KIAA2012: variants seen among roughly 807,000 people sequenced by gnomAD.
The protein encoded by KIAA2012 is KIAA2012.
KIAA2012 carries 125 observed loss-of-function variants against 150.6 expected under a neutral mutation model. The ratio of observed to expected loss-of-function variants is 0.83; its 90% CI spans 0.72 to 0.96. The LOEUF (loss-of-function observed/expected upper bound fraction) is 0.96. KIAA2012 is among the 40% of genes least tolerant of loss of function. The pLI is 0.00. For synonymous variants in KIAA2012, 462 were observed against 504.7 expected, an observed-to-expected ratio of 0.92 and a Z score of 1.13; for missense variants, 1,219 against 1,354.9, an observed-to-expected ratio of 0.90 and a Z score of 1.57.
chr2:202,141,991 A>T (rs2105946216), intron 13 of KIAA2012, among the ~76,000 whole-genome samples: 1 of 152,366 alleles, frequency 6.6e-6, no homozygotes, highest in Middle Eastern at 3.4e-3. Flanking sequence ...TATACTCAGT[A>T]AAGATTACCT....
chr2:202,077,587 G>A (rs537603356), intron 2 of KIAA2012, among the ~76,000 whole-genome samples: 3 of 152,268 alleles, frequency 2.0e-5, no homozygotes, highest in Non-Finnish European at 2.9e-5. Flanking sequence ...AAAAGAAAAC[G>A]TATGGAAGAG....
intron 2 of KIAA2012, among the ~76,000 whole-genome samples, chr2:202,083,613 A>G (rs79025587): frequency 6.6e-6 from 1 of 152,336 alleles, no homozygotes; most frequent in East Asian, 1.9e-4. Context: ...GTCAGCAGTA[A>G]AATGCAGACA....
chr2:202,086,126 C>T (rs1298923218), intron 2 of KIAA2012, among the ~76,000 whole-genome samples: 1 of 138,748 alleles, frequency 7.2e-6, no homozygotes, highest in Non-Finnish European at 1.5e-5. Flanking sequence ...CAAGATCACA[C>T]CACTGCACTC....
chr2:202,128,438 GGTT>G (rs1168506219), intron 12 of KIAA2012, among the ~76,000 whole-genome samples: 4 of 106,510 alleles, frequency 3.8e-5, no homozygotes, highest in Non-Finnish European at 5.4e-5. Context: ...TCTTTTTGGG[GGTT>G]TTTTTTTTTT....
At chr2:202,177,562 C>G (rs1692020919) in intron 15 of KIAA2012, among the ~76,000 whole-genome samples, 2 of 152,002 alleles carry the variant, frequency 1.3e-5, no homozygotes, top group Admixed American at 1.3e-4. Flanking sequence ...AGCCCTTTTT[C>G]TTTTTTTAGA....
chr2:202,177,533 G>C (rs1184543022), intron 15 of KIAA2012, among the ~76,000 whole-genome samples: 5 of 152,174 alleles, frequency 3.3e-5, no homozygotes, highest in African/African-American at 1.2e-4. Context: ...AGGCAAAAGA[G>C]AGGGAACTCA....
At chr2:202,141,308 G>A (rs1032102904) in intron 13 of KIAA2012, among the ~76,000 whole-genome samples, 1 of 152,040 alleles carries the variant, frequency 6.6e-6, no homozygotes, top group South Asian at 2.1e-4. Flanking sequence ...CCTAGGCAGC[G>A]AATCCATCAA....
chr2:202,164,725 A>G (rs751838590), intron 14 of KIAA2012, among the ~76,000 whole-genome samples: 1 of 152,146 alleles, frequency 6.6e-6, no homozygotes. Flanking sequence ...CTGTAGTCAC[A>G]CTAGTCCTCC....
chr2:202,193,215 G>T, intron 19 of KIAA2012, 86 bp from the exon 20 acceptor site: 1 of 1,299,654 alleles, frequency 7.7e-7, no homozygotes. Context: ...TCTTTGATTA[G>T]AGACAACACT....
At chr2:202,146,368 C>T (rs1024733552) in intron 13 of KIAA2012, among the ~76,000 whole-genome samples, 1 of 152,060 alleles carries the variant, frequency 6.6e-6, no homozygotes, top group African/African-American at 2.4e-5. Flanking sequence ...TGCAGTGGCT[C>T]ACGCCTGTAA....
chr2:202,089,030 A>T (rs1412794877), intron 2 of KIAA2012, among the ~76,000 whole-genome samples: 1 of 151,504 alleles, frequency 6.6e-6, no homozygotes, highest in Non-Finnish European at 1.5e-5. Flanking sequence ...TCTCCTTCCC[A>T]CTCTTTGGCT....
chr2:202,118,548 G>A (rs1328220850), intron 11 of KIAA2012, among the ~76,000 whole-genome samples: 2 of 152,172 alleles, frequency 1.3e-5, no homozygotes, highest in Non-Finnish European at 2.9e-5. Context: ...CATGATAAGA[G>A]GCAGTTACTG....
At chr2:202,136,016 GA>G in intron 12 of KIAA2012, 1 of 326,558 alleles carries the variant, frequency 3.1e-6, no homozygotes, top group Non-Finnish European at 6.2e-6. Flanking sequence ...AATTTTTTTT[GA>G]AACAGAGTCT....
intron 12 of KIAA2012, chr2:202,136,578 A>T (rs1297190439): frequency 6.6e-6 from 1 of 152,322 alleles, no homozygotes; most frequent in East Asian, 1.9e-4. Flanking sequence ...TAGCCCAGGC[A>T]CTCCGGCAGC....
In KIAA2012 at chr2:202,167,703, G is replaced by C. The variant is rs1045443369; in HGVS notation, c.2119+2347G>C. On this transcript the variant is annotated intron_variant, in intron 15 of 23. Transcript: ENST00000498697. ...TAAAAATTTTTTTTTAATTAGCCAG[G>C]CATGGTAGTGAGGACCTGCAGCCCT... 5.9e-5 allele frequency among the ~76,000 whole-genome samples: 9 copies of C among 151,922 alleles called. No individual in the cohort carries two copies. The East Asian group carries it at 1.5e-3, about 26-fold the overall frequency.
intron 12 of KIAA2012, among the ~76,000 whole-genome samples, chr2:202,128,540 G>C (rs1468755128): frequency 6.6e-6 from 1 of 152,052 alleles, no homozygotes; most frequent in Non-Finnish European, 1.5e-5. Context: ...TCAAAGTGCT[G>C]GGATTACAGG....
At chr2:202,193,600 C>T (rs1031745318) in intron 20 of KIAA2012, 97 bp downstream of exon 20, 5 of 1,238,674 alleles carry the variant, frequency 4.0e-6, no homozygotes, top group Admixed American at 2.5e-5. Context: ...GGTTCTGAGG[C>T]TCATGCCCTG....
Position 202,170,241 on chromosome 2 carries a change from C to T in KIAA2012, c.2119+4885C>T, listed in dbSNP as rs536726141. Among the ~76,000 whole-genome samples, 3 of 152,328 alleles carry T rather than the reference C, an allele frequency of 2.0e-5. No homozygotes were observed. The South Asian group carries it at 6.2e-4, about 32-fold the overall frequency. On this transcript the variant is annotated intron_variant, in intron 15 of 23. Coordinates refer to ENST00000498697, the MANE Select transcript of KIAA2012 (RefSeq NM_001277372.4). ...ATGGGAGCACTGCTTTGCCACGGTTCTCTGGCATGGCATGAGGACTCCATA... is the reference window on the plus strand; with the variant it reads ...ATGGGAGCACTGCTTTGCCACGGTTTTCTGGCATGGCATGAGGACTCCATA...
rs563170067 is a variant in KIAA2012 at position 202,179,262 on chromosome 2, G to A, written c.2120-5491G>A. On this transcript the variant is annotated intron_variant, in intron 15 of 23. Transcript: ENST00000498697. ...CAGTAGGCATTGTGACTTAAAAACT[G>A]TACATACTTGTGCTTTGGCTCTTCG... is the stretch of plus-strand genomic sequence containing the variant. The A allele has an allele frequency of 6.9e-6, 7 of 1,019,696 alleles. No individual in the cohort carries two copies. The South Asian group carries it at 9.0e-5, about 13-fold the overall frequency. 63.2% of individuals were successfully genotyped at this position (1,019,696 alleles called of 1,614,324 possible). A position where few individuals can be genotyped will look rare whatever the true frequency, so the allele number is the denominator to read the frequency against.
Sources: gnomAD v4.1 joint callset for allele counts (sites outside exome capture counted in the v4.1 genomes callset) on GRCh38, gnomAD v4.1.1 for gene constraint, MANE v1.5 for transcripts, NCBI Gene and HGNC (gene_info 2026-07-23, HGNC 2026-07-21) for gene names.